The following NCKAP5 variants were observed in gnomAD, a reference collection of about 807,000 sequenced individuals.
NCKAP5 encodes the protein NCK associated protein 5.
A neutral mutation model predicts 167.0 loss-of-function variants in NCKAP5; 92 were observed. That is an observed-to-expected ratio of 0.55 (90% CI 0.47 to 0.66). NCKAP5 has a LOEUF of 0.66. NCKAP5 is among the 30% of genes least tolerant of loss of function. The pLI, the probability that NCKAP5 is intolerant of heterozygous loss-of-function variation, is 0.00. For missense variants in NCKAP5, 2,378 were observed against 2,315.0 expected, an observed-to-expected ratio of 1.03 and a Z score of -0.56; for synonymous variants, 891 against 877.4, an observed-to-expected ratio of 1.02 and a Z score of -0.27.
At chr2:133,260,724 T>C (rs1168857084) in intron 4 of NCKAP5, among the ~76,000 whole-genome samples, 1 of 152,200 alleles carries the variant, frequency 6.6e-6, no homozygotes, top group Non-Finnish European at 1.5e-5. Flanking sequence ...TTTTAACAAG[T>C]TTATGTTTTA....
In NCKAP5 at chr2:132,868,955, T is replaced by C; in HGVS notation, c.668A>G (p.Gln223Arg). The C allele has an allele frequency of 6.5e-7, 1 of 1,547,940 alleles. No homozygotes were observed. Among genetic ancestry groups the C allele is most frequent in the Non-Finnish European group, 8.7e-7 (1 of 1,146,896 alleles). ...ACCTACCTTTTGAGTAAGCAGAGCT[T>C]GAACAACTTGGTTGGCTACCTTTAA... is the stretch of plus-strand genomic sequence containing the variant. ...CLDEVANQVV[Q>R]ALLTQKDLRE... Residue 223 changes from glutamine to arginine, a missense_variant, in exon 10 of 20, where the codon CAA becomes CGA. By Grantham distance (43) the Gln-to-Arg change is conservative. This residue lies in a region of NCKAP5 where 1,049 missense variants were observed against 1,023.4 expected (regional missense o/e 1.02). Coordinates refer to ENST00000409261, the MANE Select transcript of NCKAP5 (RefSeq NM_207363.3).
intron 6 of NCKAP5, among the ~76,000 whole-genome samples, chr2:133,059,459 T>G (rs760829522): frequency 6.6e-6 from 1 of 152,062 alleles, no homozygotes; most frequent in African/African-American, 2.4e-5. Flanking sequence ...GGCAAATCAC[T>G]TGAGCCCAGG....
At chr2:133,212,356 T>G (rs2086245002) in intron 5 of NCKAP5, among the ~76,000 whole-genome samples, 1 of 152,162 alleles carries the variant, frequency 6.6e-6, no homozygotes, top group Non-Finnish European at 1.5e-5. Context: ...ATTTCATTGC[T>G]CAAAGATGCT....
chr2:133,311,980 C>G (rs1681265180), intron 3 of NCKAP5, among the ~76,000 whole-genome samples: 1 of 152,176 alleles, frequency 6.6e-6, no homozygotes, highest in Non-Finnish European at 1.5e-5. Flanking sequence ...TCTAATCTTG[C>G]AACTCTGAGA....
At chr2:133,275,409 C>T (rs1490642699) in intron 4 of NCKAP5, among the ~76,000 whole-genome samples, 1 of 152,102 alleles carries the variant, frequency 6.6e-6, no homozygotes, top group Non-Finnish European at 1.5e-5. Context: ...CACATACACA[C>T]AACCACACAT....
In NCKAP5 at chr2:133,154,133, C is replaced by T. The variant is rs1034399522; in HGVS notation, c.208-24022G>A. 2.0e-5 allele frequency among the ~76,000 whole-genome samples: 3 copies of T among 152,146 alleles called. No individual in the cohort carries two copies. The South Asian group carries it at 6.2e-4, about 32-fold the overall frequency. On this transcript the variant is annotated intron_variant, in intron 5 of 19. Coordinates refer to ENST00000409261, the MANE Select transcript of NCKAP5 (RefSeq NM_207363.3). ...CTAGGATTACAGGCGTGAGCCACCA[C>T]TCCCGGCCAGTTCCTCCTTCTTGAA...
At chr2:133,613,920 C>T in the NCKAP5 span, among the ~76,000 whole-genome samples, 1 of 152,162 alleles carries the variant, frequency 6.6e-6, no homozygotes, top group Non-Finnish European at 1.5e-5. Flanking sequence ...TCTCACAGGT[C>T]CTATATGAGT....
At chr2:132,970,804 G>T (rs1381674802) in intron 7 of NCKAP5, among the ~76,000 whole-genome samples, 1 of 152,112 alleles carries the variant, frequency 6.6e-6, no homozygotes, top group East Asian at 1.9e-4. Context: ...CGCATCAAGT[G>T]AACTCAGATG....
intron 16 of NCKAP5, among the ~76,000 whole-genome samples, chr2:132,734,206 T>A (rs1691299448): frequency 6.6e-6 from 1 of 152,194 alleles, no homozygotes; most frequent in Non-Finnish European, 1.5e-5. Flanking sequence ...TAGAATGGTG[T>A]TTTTGAGAAA....
chr2:133,245,780 T>C (rs1409891738), intron 4 of NCKAP5, among the ~76,000 whole-genome samples: 2 of 151,998 alleles, frequency 1.3e-5, no homozygotes, highest in Admixed American at 1.3e-4. Context: ...CAAATTCCTA[T>C]GCTTGTGGCC....
intron 3 of NCKAP5, among the ~76,000 whole-genome samples, chr2:133,470,984 C>G (rs6727666): frequency 6.6e-6 from 1 of 152,206 alleles, no homozygotes; most frequent in African/African-American, 2.4e-5. Flanking sequence ...GCATCGCTCA[C>G]GCTGGGAGCT....
intron 5 of NCKAP5, among the ~76,000 whole-genome samples, chr2:133,148,216 G>A (rs779268220): frequency 2.6e-5 from 4 of 152,070 alleles, no homozygotes; most frequent in African/African-American, 7.2e-5. Flanking sequence ...ATAGGGTTAC[G>A]GGCAATATGG....
In NCKAP5 at chr2:133,265,024, G is replaced by A. The variant is rs567801812; in HGVS notation, c.143+38013C>T. The A allele has an allele frequency of 3.3e-5, 5 of 152,344 alleles. No homozygotes were observed. In the East Asian group the frequency reaches 5.8e-4, roughly 18 times the overall value. The allele number at this position is 152,344 out of a possible 1,614,324, so 9.4% of individuals were successfully genotyped here. On this transcript the variant is annotated intron_variant, in intron 4 of 19. Coordinates refer to ENST00000409261, the MANE Select transcript of NCKAP5 (RefSeq NM_207363.3). Reference sequence around the variant, plus strand: ...GGAAATGACCAATTCTGTGTCTTAGGAGGGAGGTGGCATGAAGCCGGGAAA... The same window carrying A: ...GGAAATGACCAATTCTGTGTCTTAGAAGGGAGGTGGCATGAAGCCGGGAAA...
chr2:132,960,435 G>C (rs150730332), intron 8 of NCKAP5, among the ~76,000 whole-genome samples: 10 of 152,284 alleles, frequency 6.6e-5, no homozygotes, highest in Admixed American at 1.3e-4. Flanking sequence ...TGCAACCAAA[G>C]GACTGGGAGG....
At chr2:133,087,161 T>C (rs938652021) in intron 6 of NCKAP5, among the ~76,000 whole-genome samples, 2 of 152,246 alleles carry the variant, frequency 1.3e-5, no homozygotes, top group South Asian at 2.1e-4. Flanking sequence ...CATTTGGTTT[T>C]CCTTCTGATA....
chr2:133,031,331 A>G (rs958790389), intron 6 of NCKAP5, among the ~76,000 whole-genome samples: 1 of 151,954 alleles, frequency 6.6e-6, no homozygotes, highest in Admixed American at 6.5e-5. Flanking sequence ...CATCAAATTC[A>G]GTGCTATCTT....
chr2:132,762,804 GGCT>G (rs1272633436), intron 16 of NCKAP5, among the ~76,000 whole-genome samples: 2 of 152,256 alleles, frequency 1.3e-5, no homozygotes, highest in East Asian at 3.9e-4. Context: ...AGAAACACAC[GGCT>G]GCTATCAGCC....
the NCKAP5 span, among the ~76,000 whole-genome samples, chr2:133,619,184 T>C: frequency 5.2e-5 from 7 of 134,648 alleles, no homozygotes; most frequent in South Asian, 8.7e-4. Flanking sequence ...AGGGATAGCA[T>C]TGGGAGATAT....
At chr2:133,525,710 A>T (rs1295001411) in intron 2 of NCKAP5, among the ~76,000 whole-genome samples, 2 of 152,102 alleles carry the variant, frequency 1.3e-5, no homozygotes, top group Non-Finnish European at 2.9e-5. Flanking sequence ...ATATTTATTC[A>T]TTTGCTGCAG....
Sources: gnomAD v4.1 joint callset for allele counts (sites outside exome capture counted in the v4.1 genomes callset) on GRCh38, gnomAD v4.1.1 for gene constraint, gnomAD v4.1.1 regional missense constraint, MANE v1.5 for transcripts, NCBI Gene and HGNC (gene_info 2026-07-23, HGNC 2026-07-21) for gene names.